The following FIZ1 variants were observed in gnomAD, a reference collection of about 807,000 sequenced individuals.
FIZ1 encodes flt3-interacting zinc finger protein 1.
Under a neutral mutation model 5.3 loss-of-function variants are expected in FIZ1, and 2 were observed. The observed-to-expected ratio is 0.37, with a 90% confidence interval of 0.15 to 1.18. The LOEUF (loss-of-function observed/expected upper bound fraction) is 1.18, where lower values mean the gene tolerates loss of function less well. Ranked by LOEUF, FIZ1 falls within the 50% of genes most tolerant of loss-of-function variation. The probability of loss-of-function intolerance (pLI) is 0.37; values close to 1 mark genes in which losing one functional copy is unlikely to be tolerated. For synonymous variants in FIZ1, 407 were observed against 364.2 expected (o/e 1.12, Z -1.34); for missense variants, 631 against 749.7 (o/e 0.84, Z 1.85).
chr19:55,593,057 A>C lies in FIZ1; in HGVS notation c.884T>G (p.Leu295Arg), dbSNP rs546265268. 9.0e-3 allele frequency: 12,379 copies of C among 1,376,794 alleles called. 74 individuals are homozygous for C. Among genetic ancestry groups the C allele is most frequent in the Non-Finnish European group, 0.01 (10,943 of 1,074,802 alleles). The allele number at this position is 1,376,794 out of a possible 1,614,324, so 85.3% of individuals were successfully genotyped here. ...GGGCACGCCGCCCCCCGCGGGGCCCAGGAGCAGCCTGCGGTCCGAAGCCAG... is the reference window on the plus strand; with the variant it reads ...GGGCACGCCGCCCCCCGCGGGGCCCCGGAGCAGCCTGCGGTCCGAAGCCAG... ...APLASDRRLL[L>R]GPAGGGVPKL... Residue 295 changes from leucine (L) to arginine (R), a missense_variant, in exon 3 of 3, where the codon CTG becomes CGG. Leu to Arg is a moderately radical substitution (Grantham distance 102, BLOSUM62 -2). This residue lies in a region of FIZ1 where 463 missense variants were observed against 455.1 expected (regional missense o/e 1.02). Coordinates refer to ENST00000221665, the MANE Select transcript of FIZ1 (RefSeq NM_032836.3). This position sits in a 1 kb window ranked among gnomAD's most constrained non-coding sequence, Gnocchi z 6.3.
At chr19:55,594,472 C>T (rs1353974136) in intron 2 of FIZ1, among the ~76,000 whole-genome samples, 4 of 148,190 alleles carry the variant, frequency 2.7e-5, no homozygotes, top group Non-Finnish European at 4.4e-5. Context: ...CCGAGGCGGG[C>T]GGATCATGAG....
chr19:55,595,458 T>C (rs1980282364), intron 2 of FIZ1, among the ~76,000 whole-genome samples: 1 of 152,164 alleles, frequency 6.6e-6, no homozygotes, highest in South Asian at 2.1e-4. Context: ...TGGAAACCCT[T>C]CCCGGAATCT....
At position 55,592,559 on chromosome 19, in the gene FIZ1, C is replaced by T. The variant is rs1370374705; in HGVS notation, c.1382G>A (p.Arg461Gln). The T allele has an allele frequency of 2.5e-6, 4 of 1,612,114 alleles. No individual in the cohort carries two copies. The highest frequency in any genetic ancestry group is 1.7e-5 in the Admixed American group (1 of 59,806). Residue 461 changes from arginine to glutamine, a missense_variant, in exon 3 of 3, where the codon CGG (arginine) becomes CAG (glutamine). By Grantham distance (43) the Arg-to-Gln change is conservative (BLOSUM62 1). This residue lies in a region of FIZ1 where 61 missense variants were observed against 96.9 expected (regional missense o/e 0.63). Coordinates refer to ENST00000221665, the MANE Select transcript of FIZ1 (RefSeq NM_032836.3). The surrounding 1 kb of genome is among the most constrained non-coding windows in gnomAD (Gnocchi z 6.9). ...GGGCCGCTCGGTGCCGTGCAGCAGC[C>T]GGTGGCGCTTGAGGTAGCACTCGTG... ...FRHECYLKRH[R>Q]LLHGTERPFP...
chr19:55,594,765 A>G (rs1372549331), intron 2 of FIZ1, among the ~76,000 whole-genome samples: 1 of 151,568 alleles, frequency 6.6e-6, no homozygotes, highest in Non-Finnish European at 1.5e-5. Context: ...GTGCAGCTCT[A>G]AAGTGACACA....
Position 55,593,432 on chromosome 19 carries a change from C to A in FIZ1, c.509G>T (p.Gly170Val). ...GCCTGCCCCCTCGGGGCCCTCTCCG[C>A]CGCCGGCCCCTGAGCCCCCGCACAC... is the stretch of plus-strand genomic sequence containing the variant. ...CSVCGGSGAG[G>V]GEGPEGAGAG... The change falls in exon 3 of 3, where the codon GGC (glycine) becomes GTC (valine). Residue 170 changes from glycine to valine, a missense_variant. Transcript: ENST00000221665. This position sits in a 1 kb window ranked among gnomAD's most constrained non-coding sequence, Gnocchi z 6.3. 1 of 1,527,478 alleles carries A rather than the reference C, an allele frequency of 6.5e-7. No individual in the cohort carries two copies. The highest frequency in any genetic ancestry group is 8.8e-7 in the Non-Finnish European group (1 of 1,139,436). The allele number at this position is 1,527,478 out of a possible 1,614,324, so 94.6% of individuals were successfully genotyped here. A position where few individuals can be genotyped will look rare whatever the true frequency, so the allele number is the denominator to read the frequency against.
chr19:55,597,565 G>A lies in FIZ1; in HGVS notation c.294+7C>T. 1 of 1,608,384 alleles carries A rather than the reference G, an allele frequency of 6.2e-7. No homozygotes were observed. The highest frequency in any genetic ancestry group is 8.5e-7 in the Non-Finnish European group (1 of 1,178,478). On this transcript the variant is annotated splice_region_variant and intron_variant, in intron 2 of 2. Transcript: ENST00000221665. Reference sequence around the variant, plus strand: ...AGGCCAGCCTAGGGCCGGCCTGTGGGACTCACCTGGTGGTGCAGCAGGCCG... The same window carrying A: ...AGGCCAGCCTAGGGCCGGCCTGTGGAACTCACCTGGTGGTGCAGCAGGCCG...
In FIZ1 at chr19:55,596,923, G is replaced by A. The variant is rs767224674; in HGVS notation, c.294+649C>T. Among the ~76,000 whole-genome samples, 7 of 152,122 alleles carry A rather than the reference G, an allele frequency of 4.6e-5. No homozygotes were observed. In the East Asian group the frequency reaches 5.8e-4, roughly 13 times the overall value. Reference sequence around the variant, plus strand: ...CTTGACCTCATGATCTGCCCACCTCGGCCTCCCAAAGTGCTGGGATTACAG... The same window carrying A: ...CTTGACCTCATGATCTGCCCACCTCAGCCTCCCAAAGTGCTGGGATTACAG... On this transcript the variant is annotated intron_variant, in intron 2 of 2. Coordinates refer to ENST00000221665, the MANE Select transcript of FIZ1 (RefSeq NM_032836.3).
In FIZ1 at chr19:55,593,974, C is replaced by T. The variant is rs181432132; in HGVS notation, c.295-328G>A. On this transcript the variant is annotated intron_variant, in intron 2 of 2. Transcript: ENST00000221665. This position sits in a 1 kb window ranked among gnomAD's most constrained non-coding sequence, Gnocchi z 6.3. ...AATTTTAAAAACTAGCTGGACACGG[C>T]ACACTCCTGTGGTCCCAGCTACCTG... Among the ~76,000 whole-genome samples, 8 of 152,194 alleles carry T rather than the reference C, an allele frequency of 5.3e-5. No individual in the cohort carries two copies. The highest frequency in any genetic ancestry group is 1.0e-4 in the Non-Finnish European group (7 of 67,998).
chr19:55,593,744 T>A lies in FIZ1; in HGVS notation c.295-98A>T. 1.8e-6 allele frequency: 2 copies of A among 1,086,052 alleles called. No individual in the cohort carries two copies. Among genetic ancestry groups the A allele is most frequent in the African/African-American group, 1.6e-5 (1 of 64,198 alleles). 67.3% of individuals were successfully genotyped at this position (1,086,052 alleles called of 1,614,324 possible). A position where few individuals can be genotyped will look rare whatever the true frequency, so the allele number is the denominator to read the frequency against. On this transcript the variant is annotated intron_variant, in intron 2 of 2. Transcript: ENST00000221665. The surrounding 1 kb of genome is among the most constrained non-coding windows in gnomAD (Gnocchi z 6.3). ...AGAGGGTTGTGGCACAAGCTCTCTG[T>A]CACACCTACAGGGCCATGATCTAGG...
Position 55,593,194 on chromosome 19 carries a change from C to A in FIZ1, c.747G>T (p.Thr249=). ...GCGCGCCCGGGCCCTGCAGGTCGTG[C>A]GTCAGCTTGTGCCGCTCCAGCAGCG... ...APALLERHKL[T]HDLQGPGAPP... The change falls in exon 3 of 3, where the codon ACG becomes ACT. Residue 249 remains threonine (T), a synonymous_variant. Coordinates refer to ENST00000221665, the MANE Select transcript of FIZ1 (RefSeq NM_032836.3). This position sits in a 1 kb window ranked among gnomAD's most constrained non-coding sequence, Gnocchi z 6.3. The A allele has an allele frequency of 7.5e-6, 9 of 1,193,080 alleles. No homozygotes were observed. The highest frequency in any genetic ancestry group is 2.3e-5 in the South Asian group (1 of 43,302). 73.9% of individuals were successfully genotyped at this position (1,193,080 alleles called of 1,614,324 possible).
Position 55,592,175 on chromosome 19 carries a change from C to A in FIZ1, c.*275G>T. On this transcript the variant is annotated 3_prime_UTR_variant, in exon 3 of 3. Coordinates refer to ENST00000221665, the MANE Select transcript of FIZ1 (RefSeq NM_032836.3). This position sits in a 1 kb window ranked among gnomAD's most constrained non-coding sequence, Gnocchi z 6.9. ...CATGTCTTGGGGACTTACGGCTACCCACACTCATTCCAGGGACCTCAGGCT... is the reference window on the plus strand; with the variant it reads ...CATGTCTTGGGGACTTACGGCTACCAACACTCATTCCAGGGACCTCAGGCT... 1 of 492,124 alleles carries A rather than the reference C, an allele frequency of 2.0e-6. No individual in the cohort carries two copies. The highest frequency in any genetic ancestry group is 3.6e-6 in the Non-Finnish European group (1 of 279,748). 30.5% of individuals were successfully genotyped at this position (492,124 alleles called of 1,614,324 possible). A position where few individuals can be genotyped will look rare whatever the true frequency, so the allele number is the denominator to read the frequency against.
Position 55,592,690 on chromosome 19 carries a change from G to A in FIZ1, c.1251C>T (p.Ser417=). ...SGRGKKIFGC[S]ECEKLFRSPR... The stretch of plus-strand genomic sequence containing the variant: ...GTGAGCGGAACAGCTTCTCGCACTC[G>A]GAGCAGCCGAAGATCTTCTTGCCGC... Residue 417 remains serine, a synonymous_variant, in exon 3 of 3, where the codon TCC becomes TCT. Coordinates refer to ENST00000221665, the MANE Select transcript of FIZ1 (RefSeq NM_032836.3). The surrounding 1 kb of genome is among the most constrained non-coding windows in gnomAD (Gnocchi z 6.9). 1 of 1,613,218 alleles carries A rather than the reference G, an allele frequency of 6.2e-7. No homozygotes were observed. Among genetic ancestry groups the A allele is most frequent in the Non-Finnish European group, 8.5e-7 (1 of 1,179,866 alleles).
rs1232381291 is a variant in FIZ1 at position 55,593,902 on chromosome 19, G to A, written c.295-256C>T. Among the ~76,000 whole-genome samples the A allele has an allele frequency of 6.6e-6, 1 of 151,938 alleles. No individual in the cohort carries two copies. Among genetic ancestry groups the A allele is most frequent in the East Asian group, 1.9e-4 (1 of 5,168 alleles). ...ACTCTGGGATTGCATAAGCCTAGGT[G>A]TTTGAGACCAGCCCAGGCAACACAG... On this transcript the variant is annotated intron_variant, in intron 2 of 2. Coordinates refer to ENST00000221665, the MANE Select transcript of FIZ1 (RefSeq NM_032836.3). This position sits in a 1 kb window ranked among gnomAD's most constrained non-coding sequence, Gnocchi z 6.3.
rs764591598 is a variant in FIZ1, at chr19:55,592,783, C to T, written c.1158G>A (p.Gly386=). The change falls in exon 3 of 3, where the codon GGG becomes GGA. Residue 386 remains glycine (G), a synonymous_variant. Coordinates refer to ENST00000221665, the MANE Select transcript of FIZ1 (RefSeq NM_032836.3). The surrounding 1 kb of genome is among the most constrained non-coding windows in gnomAD (Gnocchi z 6.9). ...CCCGGGCGGCGGTCGCCGCCTCCTC[C>T]CCGCCGCCCTCACCGTGGCTGACCC... ...HRRVSHGEGG[G]EEAATAARER... The T allele has an allele frequency of 1.3e-6, 2 of 1,595,850 alleles. No homozygotes were observed. The highest frequency in any genetic ancestry group is 1.1e-5 in the South Asian group (1 of 90,208).
At chr19:55,594,422 G>T (rs1568516656) in intron 2 of FIZ1, among the ~76,000 whole-genome samples, 3 of 147,576 alleles carry the variant, frequency 2.0e-5, no homozygotes, top group Non-Finnish European at 4.5e-5. Context: ...AAAAGCCCGG[G>T]TGCGGTGGCT....
At chr19:55,594,468 C>T (rs554446362) in intron 2 of FIZ1, among the ~76,000 whole-genome samples, 2 of 148,552 alleles carry the variant, frequency 1.3e-5, no homozygotes, top group East Asian at 2.0e-4. Flanking sequence ...GAGGCCGAGG[C>T]GGGCGGATCA....
chr19:55,592,951 C>A lies in FIZ1; in HGVS notation c.990G>T (p.Leu330=). 1 of 1,553,582 alleles carries A rather than the reference C, an allele frequency of 6.4e-7. No homozygotes were observed. The highest frequency in any genetic ancestry group is 1.1e-5 in the South Asian group (1 of 87,022). Residue 330 remains leucine, a synonymous_variant, in exon 3 of 3, where the codon CTG becomes CTT. Transcript: ENST00000221665. This position sits in a 1 kb window ranked among gnomAD's most constrained non-coding sequence, Gnocchi z 6.9. The part of the protein sequence containing the change: ...AAAAEPSEDT[L]YQCDCGTFFA... ...AGAAGGTCCCGCAGTCGCACTGGTA[C>A]AGGGTGTCTTCCGAGGGCTCGGCGG...
chr19:55,597,507 G>T, intron 2 of FIZ1, 65 bp downstream of exon 2: 1 of 1,538,438 alleles, frequency 6.5e-7, no homozygotes, highest in Non-Finnish European at 8.7e-7. Context: ...GAGTACAGTG[G>T]GGCGCGGGAT....
intron 1 of FIZ1, chr19:55,598,347 C>G (rs1001729206): frequency 6.1e-6 from 1 of 165,102 alleles, no homozygotes; most frequent in African/African-American, 2.4e-5. Context: ...CCTCCCACTC[C>G]TCTTCCAGGA....
Sources: gnomAD v4.1 joint callset for allele counts (sites outside exome capture counted in the v4.1 genomes callset) on GRCh38, gnomAD v4.1.1 for gene constraint, gnomAD v4.1.1 regional missense constraint, Gnocchi (gnomAD v3.1) non-coding constraint, MANE v1.5 for transcripts, NCBI Gene and HGNC (gene_info 2026-07-23, HGNC 2026-07-21) for gene names.